Variants in KLF6 observed in about 807,000 individuals in gnomAD.
The protein encoded by KLF6 is KLF transcription factor 6, also known as Krueppel-like factor 6.
For synonymous variants in KLF6, 152 were observed against 147.9 expected (o/e 1.03, Z -0.20); for missense variants, 233 against 359.8 (o/e 0.65, Z 2.85).
Position 3,776,629 on chromosome 10 carries a change from A to C in KLF6, c.*2910T>G, listed in dbSNP as rs1233477618. 1 of 494,398 alleles carries C rather than the reference A, an allele frequency of 2.0e-6. No individual in the cohort carries two copies. The highest frequency in any genetic ancestry group is 3.9e-6 in the Non-Finnish European group (1 of 259,416). The allele number at this position is 494,398 out of a possible 1,614,324, so 30.6% of individuals were successfully genotyped here. Reference sequence around the variant, plus strand: ...AAATATAACAATCTTGCAAAAAACAATTTCAAATAAAATCTTGTAAAACAA... The same window carrying C: ...AAATATAACAATCTTGCAAAAAACACTTTCAAATAAAATCTTGTAAAACAA... On this transcript the variant is annotated 3_prime_UTR_variant, in exon 4 of 4. Transcript: ENST00000497571.
rs1832561124 is a variant in KLF6, at chr10:3,782,794, GA to G, written c.103-581del. Among the ~76,000 whole-genome samples the G allele has an allele frequency of 6.6e-6, 1 of 152,210 alleles. No homozygotes were observed. Among genetic ancestry groups the G allele is most frequent in the Admixed American group, 6.5e-5 (1 of 15,286 alleles). On this transcript the variant is annotated intron_variant, in intron 1 of 3. Transcript: ENST00000497571. The surrounding 1 kb of genome is among the most constrained non-coding windows in gnomAD (Gnocchi z 4.3). ...GCAGCTGTCTGTATTCAGGGGCATC[GA>G]ATGGAGCTGCAGAAAAACCACCCAT...
chr10:3,781,840 A>G lies in KLF6; in HGVS notation c.477T>C (p.Ser159=), dbSNP rs532853784. 1.5e-5 allele frequency: 25 copies of G among 1,614,198 alleles called. No homozygotes were observed. The South Asian group carries it at 2.7e-4, about 18-fold the overall frequency. The part of the protein sequence containing the change: ...PSSPELSREP[S]QLWGCVPGEL... ...CCCCGGGCACGCAACCCCACAGTTG[A>G]GAAGGTTCCCTGCTCAGTTCCGGAG... The change falls in exon 2 of 4, where the codon TCT becomes TCC. Residue 159 remains serine (S), a synonymous_variant. Coordinates refer to ENST00000497571, the MANE Select transcript of KLF6 (RefSeq NM_001300.6). The surrounding 1 kb of genome is among the most constrained non-coding windows in gnomAD (Gnocchi z 5.8).
In KLF6 at chr10:3,779,108, G is replaced by T. The variant is rs1182592051; in HGVS notation, c.*431C>A. 1.9e-6 allele frequency: 1 copy of T among 536,290 alleles called. No homozygotes were observed. The highest frequency in any genetic ancestry group is 5.1e-4 in the Middle Eastern group (1 of 1,950). 33.2% of individuals were successfully genotyped at this position (536,290 alleles called of 1,614,324 possible). Reference sequence around the variant, plus strand: ...CCTCCCCCCAAGGAAATGATTGGTGGTCATCTCATCTCATGGTATACTCCT... The same window carrying T: ...CCTCCCCCCAAGGAAATGATTGGTGTTCATCTCATCTCATGGTATACTCCT... On this transcript the variant is annotated 3_prime_UTR_variant, in exon 4 of 4. Transcript: ENST00000497571.
intron 3 of KLF6, 140 bp from the exon 4 acceptor site, chr10:3,779,730 A>G (rs1832479865): frequency 2.6e-6 from 2 of 776,680 alleles, no homozygotes; most frequent in Middle Eastern, 2.2e-4. Flanking sequence ...AAGCCTCATC[A>G]GTGTCTTCAG....
At position 3,785,112 on chromosome 10, in the gene KLF6, C is replaced by T. The variant is rs1432610350; in HGVS notation, c.-98G>A. The T allele has an allele frequency of 3.2e-6, 5 of 1,572,898 alleles. No individual in the cohort carries two copies. Among genetic ancestry groups the T allele is most frequent in the Non-Finnish European group, 4.3e-6 (5 of 1,160,760 alleles). On this transcript the variant is annotated 5_prime_UTR_variant, in exon 1 of 4. An upstream start codon of the reference 5' UTR is lost. Coordinates refer to ENST00000497571, the MANE Select transcript of KLF6 (RefSeq NM_001300.6). ...CTCCCCGGAGCGCAGGTGAAAGTTT[C>T]ATGCAAACTCCAGGCTCGCAGAGAC... is the stretch of plus-strand genomic sequence containing the variant.
intron 1 of KLF6, among the ~76,000 whole-genome samples, chr10:3,784,708 G>A (rs1483550318): frequency 6.6e-6 from 1 of 152,184 alleles, no homozygotes; most frequent in African/African-American, 2.4e-5. Flanking sequence ...GGGCTCGGCC[G>A]GGCTGTGCCG....
In KLF6 at chr10:3,781,465, A is replaced by AG; in HGVS notation, c.676+175dup. The AG allele has an allele frequency of 6.5e-7, 1 of 1,544,248 alleles. No individual in the cohort carries two copies. ...TATCCAACTCAAAAGTCCAGTCTTT[A>AG]GGATTCTACTCTGAACTCCAAAAAG... On this transcript the variant is annotated intron_variant, in intron 2 of 3. Transcript: ENST00000497571. This position sits in a 1 kb window ranked among gnomAD's most constrained non-coding sequence, Gnocchi z 5.8.
chr10:3,784,598 AAAC>A (rs1300904581), intron 1 of KLF6, among the ~76,000 whole-genome samples: 2 of 147,682 alleles, frequency 1.4e-5, no homozygotes, highest in Admixed American at 7.0e-5. Context: ...AAAAACAAAC[AAAC>A]AAAAAAAAAA....
chr10:3,784,805 G>T, intron 1 of KLF6, 108 bp downstream of exon 1: 1 of 1,036,346 alleles, frequency 9.6e-7, no homozygotes, highest in Non-Finnish European at 1.3e-6. Context: ...CGGTGACAGC[G>T]CGGGGCCCAG....
chr10:3,777,353 T>C lies in KLF6; in HGVS notation c.*2186A>G. ...GGAAGAATCTACTTGCTGGAAAAAA[T>C]AGCTTCATCTGCATAAAAAGTGTTC... is the stretch of plus-strand genomic sequence containing the variant. On this transcript the variant is annotated 3_prime_UTR_variant, in exon 4 of 4. Coordinates refer to ENST00000497571, the MANE Select transcript of KLF6 (RefSeq NM_001300.6). 2.0e-6 allele frequency: 1 copy of C among 512,234 alleles called. No individual in the cohort carries two copies. The highest frequency in any genetic ancestry group is 1.5e-5 in the South Asian group (1 of 64,788). The allele number at this position is 512,234 out of a possible 1,614,324, so 31.7% of individuals were successfully genotyped here.
intron 3 of KLF6, 143 bp downstream of exon 3, chr10:3,779,963 A>C (rs1162255472): frequency 9.1e-7 from 1 of 1,098,488 alleles, no homozygotes; most frequent in African/African-American, 1.6e-5. Flanking sequence ...AACTTTCTAA[A>C]AAGTCCCAGG....
At position 3,779,589 on chromosome 10, in the gene KLF6, A is replaced by C; in HGVS notation, c.802T>G (p.Cys268Gly). The C allele has an allele frequency of 3.7e-6, 6 of 1,614,084 alleles. No homozygotes were observed. Among genetic ancestry groups the C allele is most frequent in the Non-Finnish European group, 5.1e-6 (6 of 1,179,952 alleles). ...GCCAGGTGGTCAGACCTGGAAAAAC[A>C]CCTGCAAGGGCAAATCAGAAGCACA... ...KPFKCSHCDR[C>G]FSRSDHLALH... The change falls in exon 4 of 4, where the codon TGT (cysteine) becomes GGT (glycine). Residue 268 changes from cysteine to glycine, a missense_variant and splice_region_variant. Coordinates refer to ENST00000497571, the MANE Select transcript of KLF6 (RefSeq NM_001300.6).
rs779417175 is a variant in KLF6, at chr10:3,777,916, T to C, written c.*1623A>G. 1.8e-5 allele frequency: 9 copies of C among 487,972 alleles called. No homozygotes were observed. The highest frequency in any genetic ancestry group is 2.8e-5 in the Non-Finnish European group (7 of 248,090). The allele number at this position is 487,972 out of a possible 1,614,324, so 30.2% of individuals were successfully genotyped here. On this transcript the variant is annotated 3_prime_UTR_variant, in exon 4 of 4. Transcript: ENST00000497571. ...TGCCTTTTAAGCAAATACATTAACA[T>C]TGGGGGTTTTTTAATACTTCTGTAT... is the stretch of plus-strand genomic sequence containing the variant.
chr10:3,777,367 T>C lies in KLF6; in HGVS notation c.*2172A>G, dbSNP rs1832412233. 1 of 513,614 alleles carries C rather than the reference T, an allele frequency of 1.9e-6. No homozygotes were observed. 31.8% of individuals were successfully genotyped at this position (513,614 alleles called of 1,614,324 possible). On this transcript the variant is annotated 3_prime_UTR_variant, in exon 4 of 4. Coordinates refer to ENST00000497571, the MANE Select transcript of KLF6 (RefSeq NM_001300.6). ...GCTGGAAAAAATAGCTTCATCTGCA[T>C]AAAAAGTGTTCTACAAAAGAATCCC...
chr10:3,785,040 C>A lies in KLF6; in HGVS notation c.-26G>T. On this transcript the variant is annotated 5_prime_UTR_variant, in exon 1 of 4. Transcript: ENST00000497571. ...GTCGGGCCGGGTTGGACGGAGCCCG[C>A]GGTCGCGAGGGCGGCGAGGCGCGCG... is the stretch of plus-strand genomic sequence containing the variant. The A allele has an allele frequency of 6.2e-7, 1 of 1,610,568 alleles. No homozygotes were observed. The highest frequency in any genetic ancestry group is 8.5e-7 in the Non-Finnish European group (1 of 1,178,528).
At position 3,780,715 on chromosome 10, in the gene KLF6, A is replaced by G. The variant is rs1832497457; in HGVS notation, c.677-486T>C. On this transcript the variant is annotated intron_variant, in intron 2 of 3. Transcript: ENST00000497571. The surrounding 1 kb of genome is among the most constrained non-coding windows in gnomAD (Gnocchi z 4.6). ...ACGAGCTTCTGGAAAGCCCCAGTAC[A>G]GGGCCCCGGAATCATTCTCTAAATG... The G allele has an allele frequency of 4.3e-6, 1 of 233,454 alleles. No individual in the cohort carries two copies. Among genetic ancestry groups the G allele is most frequent in the Non-Finnish European group, 8.8e-6 (1 of 114,276 alleles). 14.5% of individuals were successfully genotyped at this position (233,454 alleles called of 1,614,324 possible). A position where few individuals can be genotyped will look rare whatever the true frequency, so the allele number is the denominator to read the frequency against.
rs764319886 is a variant in KLF6 at position 3,777,287 on chromosome 10, C to A, written c.*2252G>T. On this transcript the variant is annotated 3_prime_UTR_variant, in exon 4 of 4. Transcript: ENST00000497571. ...TGGGTGAAATATCAGCTGTCCACGC[C>A]GTGGTATGCCAATTCGGGGAAATTA... is the stretch of plus-strand genomic sequence containing the variant. The A allele has an allele frequency of 2.1e-5, 11 of 514,808 alleles. No individual in the cohort carries two copies. Among genetic ancestry groups the A allele is most frequent in the African/African-American group, 1.7e-4 (9 of 52,762 alleles). 31.9% of individuals were successfully genotyped at this position (514,808 alleles called of 1,614,324 possible).
In KLF6 at chr10:3,780,371, A is replaced by C; in HGVS notation, c.677-142T>G. 1 of 942,434 alleles carries C rather than the reference A, an allele frequency of 1.1e-6. No individual in the cohort carries two copies. Among genetic ancestry groups the C allele is most frequent in the South Asian group, 1.3e-5 (1 of 75,474 alleles). The allele number at this position is 942,434 out of a possible 1,614,324, so 58.4% of individuals were successfully genotyped here. On this transcript the variant is annotated intron_variant, in intron 2 of 3. Coordinates refer to ENST00000497571, the MANE Select transcript of KLF6 (RefSeq NM_001300.6). The surrounding 1 kb of genome is among the most constrained non-coding windows in gnomAD (Gnocchi z 4.6). ...GCATCGGTAACACACAACAACTGGC[A>C]GCCTCAGAGAGACAACAGCAGCTCT...
At position 3,781,609 on chromosome 10, in the gene KLF6, G is replaced by A. The variant is rs770161941; in HGVS notation, c.676+32C>T. 4.4e-6 allele frequency: 7 copies of A among 1,608,498 alleles called. No homozygotes were observed. The highest frequency in any genetic ancestry group is 2.2e-5 in the East Asian group (1 of 44,658). ...GTGCAATGCAGTGGCGCCCACCAGC[G>A]GCCGCCCTCCGGGGCCCGCGTGGGC... On this transcript the variant is annotated intron_variant, in intron 2 of 3. Coordinates refer to ENST00000497571, the MANE Select transcript of KLF6 (RefSeq NM_001300.6). This position sits in a 1 kb window ranked among gnomAD's most constrained non-coding sequence, Gnocchi z 5.8.
Sources: gnomAD v4.1 joint callset for allele counts (sites outside exome capture counted in the v4.1 genomes callset) on GRCh38, gnomAD v4.1.1 for gene constraint, Gnocchi (gnomAD v3.1) non-coding constraint, MANE v1.5 for transcripts, NCBI Gene and HGNC (gene_info 2026-07-23, HGNC 2026-07-21) for gene names.